Variants in NELL1 observed in about 807,000 individuals in gnomAD.
The protein encoded by NELL1 is protein kinase C-binding protein NELL1.
A neutral mutation model predicts 107.4 loss-of-function variants in NELL1; 76 were observed. The observed-to-expected ratio is 0.71, with a 90% CI of 0.59 to 0.86. The LOEUF is 0.86. Among genes scored for constraint, NELL1 ranks in the 40% least tolerant of loss-of-function variants. The pLI is 0.00. For missense variants in NELL1, 1,024 were observed against 1,005.5 expected (o/e 1.02, Z -0.25); for synonymous variants, 353 against 341.2 (o/e 1.03, Z -0.38).
At position 20,958,535 on chromosome 11, in the gene NELL1, A is replaced by G. The variant is rs140050181; in HGVS notation, c.1172-1897A>G. On this transcript the variant is annotated intron_variant, in intron 11 of 19. Coordinates refer to ENST00000357134, the MANE Select transcript of NELL1 (RefSeq NM_006157.5). ...ATTAATAAGTGACTCAGCAGCAATA[A>G]TAGAAGCCAGAAAACATGGAATGAC... is the stretch of plus-strand genomic sequence containing the variant. 4.8e-3 allele frequency among the ~76,000 whole-genome samples: 738 copies of G among 152,312 alleles called. 40 individuals carry two copies. Among genetic ancestry groups the G allele is most frequent in the Admixed American group, 0.044 (676 of 15,296 alleles).
chr11:20,801,518 A>G, intron 3 of NELL1, among the ~76,000 whole-genome samples: 1 of 152,102 alleles, frequency 6.6e-6, no homozygotes, highest in East Asian at 1.9e-4. Flanking sequence ...TTCTCCCTTT[A>G]TGTGGGTTGT....
chr11:20,814,157 G>A (rs1243316796), intron 3 of NELL1, among the ~76,000 whole-genome samples: 2 of 151,714 alleles, frequency 1.3e-5, no homozygotes, highest in Non-Finnish European at 2.9e-5. Context: ...CGCCACGCCC[G>A]GCTAATTTTT....
intron 12 of NELL1, among the ~76,000 whole-genome samples, chr11:21,042,604 C>T (rs748048499): frequency 6.6e-5 from 10 of 152,074 alleles, no homozygotes; most frequent in Admixed American, 1.3e-4. Flanking sequence ...GTTGTCTCAG[C>T]ACCAGGTGCC....
intron 15 of NELL1, among the ~76,000 whole-genome samples, chr11:21,376,769 C>T (rs1162920640): frequency 1.3e-5 from 2 of 151,946 alleles, no homozygotes; most frequent in African/African-American, 4.8e-5. Flanking sequence ...ATTTCACCTC[C>T]TTGGTTAGAT....
chr11:21,136,558 C>T (rs1409707173), intron 13 of NELL1, among the ~76,000 whole-genome samples: 2 of 152,078 alleles, frequency 1.3e-5, no homozygotes, highest in African/African-American at 4.8e-5. Context: ...AGAGGTGGCA[C>T]AGGAAATGAC....
chr11:21,457,359 T>C (rs1314024362), intron 15 of NELL1, among the ~76,000 whole-genome samples: 1 of 152,144 alleles, frequency 6.6e-6, no homozygotes, highest in Non-Finnish European at 1.5e-5. Context: ...TTCAGAGTGT[T>C]GTGGAGATAA....
At chr11:20,981,833 T>G (rs1401176615) in intron 12 of NELL1, among the ~76,000 whole-genome samples, 1 of 152,166 alleles carries the variant, frequency 6.6e-6, no homozygotes, top group East Asian at 1.9e-4. Flanking sequence ...CAACATGGCT[T>G]AAGCAGAGAA....
intron 2 of NELL1, among the ~76,000 whole-genome samples, chr11:20,718,085 A>G (rs541757355): frequency 3.3e-5 from 5 of 152,316 alleles, no homozygotes; most frequent in African/African-American, 9.6e-5. Flanking sequence ...TTTCATTACT[A>G]TCTATAAAAG....
intron 15 of NELL1, among the ~76,000 whole-genome samples, chr11:21,440,985 G>T (rs1021624464): frequency 2.0e-5 from 3 of 152,090 alleles, no homozygotes; most frequent in Non-Finnish European, 4.4e-5. Flanking sequence ...TAAAACGTAT[G>T]AAAAGAAAGA....
intron 14 of NELL1, among the ~76,000 whole-genome samples, chr11:21,251,004 T>C (rs932697675): frequency 2.6e-5 from 4 of 152,134 alleles, no homozygotes; most frequent in Admixed American, 6.6e-5. Flanking sequence ...TCTTTTCCTT[T>C]TGAGTCCTCG....
At chr11:20,855,425 A>G (rs1457739940) in intron 4 of NELL1, among the ~76,000 whole-genome samples, 1 of 152,210 alleles carries the variant, frequency 6.6e-6, no homozygotes, top group Non-Finnish European at 1.5e-5. Flanking sequence ...GATTAAAAAG[A>G]AAGCATTTTG....
rs372392315 is a variant in NELL1, at chr11:20,987,449, G to T, written c.1300+26889G>T. On this transcript the variant is annotated intron_variant, in intron 12 of 19. Transcript: ENST00000357134. The stretch of plus-strand genomic sequence containing the variant: ...TTTTAATTGACTCATAGTTCTGCAC[G>T]GCTGGGGAGGCCTCAGGAAACTTAC... Among the ~76,000 whole-genome samples the T allele has an allele frequency of 1.1e-4, 17 of 152,168 alleles. No homozygotes were observed. The East Asian group carries it at 1.2e-3, about 10-fold the overall frequency.
intron 13 of NELL1, among the ~76,000 whole-genome samples, chr11:21,214,911 A>G (rs1031671405): frequency 1.1e-4 from 17 of 152,222 alleles, no homozygotes; most frequent in African/African-American, 3.9e-4. Context: ...ACATACATGC[A>G]TAAATGAATA....
chr11:21,532,701 G>T (rs865908219), intron 15 of NELL1, among the ~76,000 whole-genome samples: 2 of 152,158 alleles, frequency 1.3e-5, no homozygotes, highest in African/African-American at 4.8e-5. Context: ...AGAATTGGTT[G>T]CTGCTTTGTT....
chr11:21,278,178 C>G (rs763656765), intron 14 of NELL1, among the ~76,000 whole-genome samples: 27 of 152,118 alleles, frequency 1.8e-4, no homozygotes, highest in Non-Finnish European at 3.7e-4. Flanking sequence ...AACCCTACAG[C>G]AATGTCACAC....
At chr11:20,848,327 G>C (rs1848737685) in intron 4 of NELL1, among the ~76,000 whole-genome samples, 1 of 152,068 alleles carries the variant, frequency 6.6e-6, no homozygotes, top group Non-Finnish European at 1.5e-5. Flanking sequence ...GGTGGGACCA[G>C]GGGGTTTCAC....
intron 15 of NELL1, among the ~76,000 whole-genome samples, chr11:21,411,531 T>C (rs79272190): frequency 4.5e-4 from 69 of 152,100 alleles, no homozygotes; most frequent in Middle Eastern, 3.4e-3. Flanking sequence ...TGTGAAAAAG[T>C]TATTTGAGGT....
chr11:21,445,628 G>A (rs1853407698), intron 15 of NELL1, among the ~76,000 whole-genome samples: 1 of 152,114 alleles, frequency 6.6e-6, no homozygotes, highest in African/African-American at 2.4e-5. Context: ...CACAGCGCCC[G>A]GCCTATACCA....
At chr11:21,561,953 C>G (rs1487786876) in intron 17 of NELL1, among the ~76,000 whole-genome samples, 1 of 152,036 alleles carries the variant, frequency 6.6e-6, no homozygotes, top group African/African-American at 2.4e-5. Flanking sequence ...GTCTCCCATT[C>G]AGCCAGCAGA....
Sources: allele counts gnomAD v4.1 joint callset (sites outside exome capture counted in the v4.1 genomes callset), GRCh38; gene constraint gnomAD v4.1.1; transcripts MANE v1.5; gene names NCBI Gene and HGNC (gene_info 2026-07-23, HGNC 2026-07-21).